Variants in RANBP2 observed in about 807,000 individuals in gnomAD.
RANBP2 encodes E3 SUMO-protein ligase RanBP2.
Under a neutral mutation model 303.6 loss-of-function variants are expected in RANBP2, and 57 were observed. The observed-to-expected ratio is 0.19, with a 90% CI of 0.15 to 0.23. RANBP2 has a LOEUF of 0.23. RANBP2 is among the 10% of genes least tolerant of loss of function. The pLI is 1.00. For synonymous variants in RANBP2, 1,167 were observed against 1,301.5 expected (o/e 0.90, Z 2.23); for missense variants, 3,138 against 3,780.8 (o/e 0.83, Z 4.46).
chr2:109,398,574 C>T, the RANBP2 span: 1 of 1,536,116 alleles, frequency 6.5e-7, no homozygotes, highest in Middle Eastern at 1.7e-4. Flanking sequence ...CCTCCCCTCT[C>T]CCCTTTCTCA....
At chr2:109,451,087 C>T in the RANBP2 span, among the ~76,000 whole-genome samples, 2 of 152,234 alleles carry the variant, frequency 1.3e-5, no homozygotes, top group African/African-American at 2.4e-5. Context: ...CGCAGGGCCT[C>T]AGCACCTCCT....
the RANBP2 span, among the ~76,000 whole-genome samples, chr2:109,215,952 G>T: frequency 1.3e-5 from 2 of 152,236 alleles, no homozygotes; most frequent in Non-Finnish European, 2.9e-5. Context: ...GGCCACGTGA[G>T]CTGGGTGCCC....
chr2:109,580,344 A>G, the RANBP2 span, among the ~76,000 whole-genome samples: 1 of 93,746 alleles, frequency 1.1e-5, no homozygotes, highest in Non-Finnish European at 2.5e-5. Context: ...TTTCTCCATA[A>G]AATGCAAAAA....
At chr2:109,073,512 C>CAAAAAAAAAA in the RANBP2 span, among the ~76,000 whole-genome samples, 5 of 150,030 alleles carry the variant, frequency 3.3e-5, no homozygotes, top group Admixed American at 6.6e-5. Context: ...ACTAAAAATA[C>CAAAAAAAAAA]AAAAAAATTA....
At chr2:108,862,000 GT>G in the RANBP2 span, among the ~76,000 whole-genome samples, 1 of 149,680 alleles carries the variant, frequency 6.7e-6, no homozygotes, top group African/African-American at 2.5e-5. Context: ...GTGTTTATAT[GT>G]TTTTGAGAGT....
the RANBP2 span, among the ~76,000 whole-genome samples, chr2:108,850,443 TTTTTG>T: frequency 6.6e-6 from 1 of 152,016 alleles, no homozygotes; most frequent in Non-Finnish European, 1.5e-5. Context: ...TGGCGAGTTT[TTTTTG>T]TTTTGTTTTG....
chr2:108,722,060 T>TA (rs945739734), intron 1 of RANBP2, among the ~76,000 whole-genome samples: 2,167 of 135,874 alleles, frequency 0.016, 27 homozygotes, highest in African/African-American at 0.029. Context: ...TAAACAAGCT[T>TA]AAAAAAAAAA....
the RANBP2 span, among the ~76,000 whole-genome samples, chr2:109,220,517 A>G: frequency 6.6e-6 from 1 of 152,238 alleles, no homozygotes; most frequent in Admixed American, 6.5e-5. Flanking sequence ...AAATATTTGC[A>G]AATCATTGTT....
the RANBP2 span, among the ~76,000 whole-genome samples, chr2:109,578,532 GA>G: frequency 3.2e-5 from 1 of 31,338 alleles, no homozygotes; most frequent in Non-Finnish European, 7.3e-5. Flanking sequence ...TTGGGAGGCC[GA>G]GGAGGGTGGA....
chr2:109,551,286 T>C, the RANBP2 span, among the ~76,000 whole-genome samples: 1 of 152,248 alleles, frequency 6.6e-6, no homozygotes, highest in South Asian at 2.1e-4. Context: ...ACAACAATAT[T>C]GGCAAGGACA....
At chr2:109,017,524 C>G in the RANBP2 span, among the ~76,000 whole-genome samples, 6 of 152,242 alleles carry the variant, frequency 3.9e-5, no homozygotes, top group African/African-American at 1.4e-4. Context: ...TCCTCAGCAG[C>G]TCCTGGGCAG....
chr2:108,846,728 T>A, the RANBP2 span: 15 of 1,594,812 alleles, frequency 9.4e-6, no homozygotes, highest in Non-Finnish European at 1.3e-5. Context: ...ATTGTACATA[T>A]TTTTAACAGC....
chr2:108,786,614 A>T (rs1558950809), downstream of RANBP2: 1 of 584,776 alleles, frequency 1.7e-6, no homozygotes, highest in East Asian at 3.3e-5. Flanking sequence ...CTACTCAGTT[A>T]CGAGGTGTGT....
At chr2:108,788,443 G>A (rs143260859), downstream of RANBP2, among the ~76,000 whole-genome samples, 1,987 of 150,994 alleles carry the variant, frequency 0.013, 43 homozygotes, top group African/African-American at 0.046. Flanking sequence ...AATAGGCTGC[G>A]CGCGGTGGCT....
the RANBP2 span, among the ~76,000 whole-genome samples, chr2:109,230,185 T>A: frequency 6.6e-6 from 1 of 152,192 alleles, no homozygotes; most frequent in African/African-American, 2.4e-5. Context: ...TATATATTGT[T>A]TATCCATTCA....
At chr2:108,783,477 A>T in intron 28 of RANBP2, 119 bp from the exon 29 acceptor site, 1 of 691,706 alleles carries the variant, frequency 1.4e-6, no homozygotes, top group South Asian at 2.3e-5. Flanking sequence ...TACTCAGGAA[A>T]GCTGGGCTTT....
the RANBP2 span, among the ~76,000 whole-genome samples, chr2:108,893,425 C>CCAT: frequency 1.7e-4 from 26 of 152,274 alleles, no homozygotes; most frequent in African/African-American, 6.0e-4. Flanking sequence ...CTCCTAGTCA[C>CCAT]CATCAAATCC....
the RANBP2 span, among the ~76,000 whole-genome samples, chr2:109,203,081 C>G: frequency 2.6e-3 from 402 of 152,274 alleles, 2 homozygotes; most frequent in African/African-American, 9.3e-3. Flanking sequence ...GAAGCTCCGT[C>G]GAGCCTGGAA....
the RANBP2 span, among the ~76,000 whole-genome samples, chr2:109,652,932 C>G: frequency 6.6e-6 from 1 of 152,104 alleles, no homozygotes; most frequent in Non-Finnish European, 1.5e-5. Context: ...GGCTCCTGGG[C>G]TCGTCTTCAA....
Sources: gnomAD v4.1 joint callset for allele counts (sites outside exome capture counted in the v4.1 genomes callset) on GRCh38, gnomAD v4.1.1 for gene constraint, MANE v1.5 for transcripts, NCBI Gene and HGNC (gene_info 2026-07-23, HGNC 2026-07-21) for gene names.